The following MECOM variants were observed in gnomAD, a reference collection of about 807,000 sequenced individuals.
The protein encoded by MECOM is MDS1 and EVI1 complex locus.
MECOM carries 13 observed loss-of-function variants against 116.3 expected under a neutral mutation model. The observed-to-expected ratio is 0.11, with a 90% CI of 0.07 to 0.18. MECOM has a LOEUF of 0.18. Among genes scored for constraint, MECOM ranks in the 10% least tolerant of loss-of-function variants. The probability of loss-of-function intolerance (pLI) is 1.00; values close to 1 mark genes in which losing one functional copy is unlikely to be tolerated. For missense variants in MECOM, 1,299 were observed against 1,509.0 expected (o/e 0.86, Z 2.31); for synonymous variants, 528 against 535.2 (o/e 0.99, Z 0.19).
At chr3:169,635,083 G>A (rs1010398345) in intron 1 of MECOM, among the ~76,000 whole-genome samples, 7 of 152,216 alleles carry the variant, frequency 4.6e-5, no homozygotes, top group South Asian at 2.1e-4. Flanking sequence ...CCCTTGTGGC[G>A]CTGCCAGGGC....
At chr3:169,567,987 G>A (rs546777182) in intron 1 of MECOM, among the ~76,000 whole-genome samples, 2 of 152,246 alleles carry the variant, frequency 1.3e-5, no homozygotes, top group South Asian at 2.1e-4. Flanking sequence ...AATGCAGAAG[G>A]CAGGTGATTT....
At chr3:169,183,275 T>C (rs549144704) in intron 2 of MECOM, among the ~76,000 whole-genome samples, 7 of 152,302 alleles carry the variant, frequency 4.6e-5, no homozygotes, top group South Asian at 2.1e-4. Flanking sequence ...CTCATTGCCA[T>C]AGGGTAGGAT....
At chr3:169,415,679 G>T (rs1281425332) in intron 1 of MECOM, among the ~76,000 whole-genome samples, 1 of 151,902 alleles carries the variant, frequency 6.6e-6, no homozygotes, top group Non-Finnish European at 1.5e-5. Flanking sequence ...TAAAGGGGCA[G>T]AGGAATATTT....
At chr3:169,621,044 G>A (rs1197986552) in intron 1 of MECOM, among the ~76,000 whole-genome samples, 1 of 152,150 alleles carries the variant, frequency 6.6e-6, no homozygotes, top group Non-Finnish European at 1.5e-5. Context: ...GATGCTGTGA[G>A]GCCAGCTGCT....
intron 1 of MECOM, among the ~76,000 whole-genome samples, chr3:169,606,429 AG>A (rs1337763888): frequency 6.6e-6 from 1 of 151,856 alleles, no homozygotes; most frequent in Non-Finnish European, 1.5e-5. Flanking sequence ...AAAAAGAAAA[AG>A]AAATGAAAGA....
At chr3:169,512,476 G>C (rs1460064148) in intron 1 of MECOM, among the ~76,000 whole-genome samples, 2 of 152,038 alleles carry the variant, frequency 1.3e-5, no homozygotes, top group African/African-American at 4.8e-5. Context: ...TCTCCTCCAG[G>C]GTCCTTCTCC....
At chr3:169,307,540 A>T (rs1489841116) in intron 2 of MECOM, among the ~76,000 whole-genome samples, 1 of 152,162 alleles carries the variant, frequency 6.6e-6, no homozygotes, top group Non-Finnish European at 1.5e-5. Context: ...CTGCACTCCC[A>T]TCTGAGCAAC....
chr3:169,644,778 C>G (rs968847267), intron 1 of MECOM, among the ~76,000 whole-genome samples: 14 of 152,198 alleles, frequency 9.2e-5, no homozygotes, highest in African/African-American at 3.1e-4. Context: ...AAATAAACTG[C>G]AAAATCCAAA....
At chr3:169,171,651 T>A (rs1015116511) in intron 2 of MECOM, among the ~76,000 whole-genome samples, 4 of 152,084 alleles carry the variant, frequency 2.6e-5, no homozygotes, top group African/African-American at 9.7e-5. Context: ...GATAATCATT[T>A]GTCAAGCACT....
chr3:169,599,773 C>G (rs1006262969), intron 1 of MECOM, among the ~76,000 whole-genome samples: 3 of 152,080 alleles, frequency 2.0e-5, no homozygotes, highest in Admixed American at 6.6e-5. Context: ...ACACTCAACA[C>G]CACAACATGA....
At chr3:169,348,021 C>T (rs536828991) in intron 2 of MECOM, among the ~76,000 whole-genome samples, 26 of 152,024 alleles carry the variant, frequency 1.7e-4, no homozygotes, top group Non-Finnish European at 2.9e-4. Context: ...TGAAAATGGG[C>T]GATTATTTCT....
At chr3:169,416,770 T>A (rs1049296872) in intron 1 of MECOM, among the ~76,000 whole-genome samples, 14 of 152,084 alleles carry the variant, frequency 9.2e-5, no homozygotes, top group African/African-American at 3.4e-4. Context: ...GTAAGTAAGC[T>A]AGAAAATCTA....
intron 2 of MECOM, among the ~76,000 whole-genome samples, chr3:169,341,491 C>A (rs2149791097): frequency 6.7e-6 from 1 of 149,022 alleles, no homozygotes; most frequent in African/African-American, 2.5e-5. Flanking sequence ...TCTGTAAGCC[C>A]AACACTTTGG....
intron 2 of MECOM, among the ~76,000 whole-genome samples, chr3:169,202,440 T>C (rs1480668392): frequency 6.6e-6 from 1 of 152,130 alleles, no homozygotes; most frequent in Non-Finnish European, 1.5e-5. Context: ...TATTGCAGAA[T>C]GTTTTCCTTC....
At chr3:169,494,615 A>T (rs1753594293) in intron 1 of MECOM, among the ~76,000 whole-genome samples, 2 of 152,228 alleles carry the variant, frequency 1.3e-5, no homozygotes, top group South Asian at 4.1e-4. Context: ...ATTATACACC[A>T]CTAAGATCTT....
intron 2 of MECOM, among the ~76,000 whole-genome samples, chr3:169,203,445 T>C (rs1749472538): frequency 1.3e-5 from 2 of 152,080 alleles, no homozygotes; most frequent in African/African-American, 4.8e-5. Context: ...ATTTAAAAAA[T>C]AGGGATAAAA....
intron 2 of MECOM, among the ~76,000 whole-genome samples, chr3:169,344,292 T>G (rs1725010534): frequency 6.6e-6 from 1 of 152,116 alleles, no homozygotes; most frequent in Non-Finnish European, 1.5e-5. Context: ...TGTAATATAG[T>G]GAGGGGTTAT....
chr3:169,476,302 T>C (rs1750363813), intron 1 of MECOM, among the ~76,000 whole-genome samples: 1 of 152,206 alleles, frequency 6.6e-6, no homozygotes. Flanking sequence ...AAAATATTTA[T>C]TGAGCCCTGA....
In MECOM at chr3:169,096,115, T is replaced by C. The variant is rs189429434; in HGVS notation, c.2850-870A>G. 9.7e-4 allele frequency among the ~76,000 whole-genome samples: 147 copies of C among 152,242 alleles called. 1 individual carries two copies. The highest frequency in any genetic ancestry group is 3.4e-3 in the African/African-American group (141 of 41,572). On this transcript the variant is annotated intron_variant, in intron 12 of 16. Transcript: ENST00000651503. The stretch of plus-strand genomic sequence containing the variant: ...ACAAAAATGCAAGGCCTCCTTCCCC[T>C]AGCTCTCATTAATGAAGAAGAAAAG...
Sources: gnomAD v4.1 joint callset for allele counts (sites outside exome capture counted in the v4.1 genomes callset) on GRCh38, gnomAD v4.1.1 for gene constraint, MANE v1.5 for transcripts, NCBI Gene and HGNC (gene_info 2026-07-23, HGNC 2026-07-21) for gene names.